PRKG1: variants seen among roughly 807,000 people sequenced by gnomAD.
PRKG1 encodes cGMP-dependent protein kinase 1.
A neutral mutation model predicts 88.1 loss-of-function variants in PRKG1; 35 were observed. The observed-to-expected ratio is 0.40, with a 90% CI of 0.30 to 0.53. The LOEUF is 0.53. Ranked by LOEUF, PRKG1 falls within the 20% of genes least tolerant of loss-of-function variation. The pLI is 0.59. For synonymous variants in PRKG1, 303 were observed against 292.5 expected (o/e 1.04, Z -0.37); for missense variants, 540 against 839.8 (o/e 0.64, Z 4.41).
intron 3 of PRKG1, among the ~76,000 whole-genome samples, chr10:51,489,141 T>C (rs1407571387): frequency 6.6e-6 from 1 of 152,100 alleles, no homozygotes; most frequent in African/African-American, 2.4e-5. Context: ...AAGAAACAGC[T>C]AGCCTTCAAA....
At chr10:51,643,841 G>A (rs977879787) in intron 3 of PRKG1, among the ~76,000 whole-genome samples, 17 of 152,006 alleles carry the variant, frequency 1.1e-4, no homozygotes, top group African/African-American at 2.9e-4. Context: ...TCAAATGTAC[G>A]CAAAAATAAG....
chr10:51,348,700 C>T (rs566054307), intron 2 of PRKG1, among the ~76,000 whole-genome samples: 5 of 152,168 alleles, frequency 3.3e-5, no homozygotes, highest in Non-Finnish European at 7.4e-5. Context: ...CGACCTTGGT[C>T]TCATTTCTTG....
intron 1 of PRKG1, among the ~76,000 whole-genome samples, chr10:51,109,682 C>T (rs1325882828): frequency 6.6e-6 from 1 of 152,024 alleles, no homozygotes; most frequent in South Asian, 2.1e-4. Context: ...AAACTTAGCG[C>T]ACTTGGGTTT....
chr10:51,483,347 C>T (rs293319), intron 3 of PRKG1, among the ~76,000 whole-genome samples: 119,334 of 152,084 alleles, frequency 0.78, 47,023 homozygotes, highest in East Asian at 0.89. Context: ...TTTTGGTGCC[C>T]TTATGCAGGG....
At chr10:51,318,674 A>T (rs1564444474) in intron 2 of PRKG1, among the ~76,000 whole-genome samples, 1 of 152,198 alleles carries the variant, frequency 6.6e-6, no homozygotes, top group Non-Finnish European at 1.5e-5. Flanking sequence ...AGGGGGATTT[A>T]AAGATTACTT....
intron 1 of PRKG1, among the ~76,000 whole-genome samples, chr10:51,028,739 AGAG>A (rs1843241795): frequency 6.6e-6 from 1 of 152,308 alleles, no homozygotes; most frequent in East Asian, 1.9e-4. Flanking sequence ...TTCCTACTCT[AGAG>A]GAGTGGCAAA....
At chr10:51,969,150 G>C (rs1350013958) in intron 5 of PRKG1, among the ~76,000 whole-genome samples, 1 of 152,172 alleles carries the variant, frequency 6.6e-6, no homozygotes, top group Non-Finnish European at 1.5e-5. Context: ...ATGATATAAA[G>C]TAAATTTCTT....
chr10:51,829,607 A>G (rs1839955997), intron 4 of PRKG1, among the ~76,000 whole-genome samples: 1 of 152,198 alleles, frequency 6.6e-6, no homozygotes, highest in African/African-American at 2.4e-5. Context: ...CTTATTCATA[A>G]AAGATACAGG....
At chr10:52,292,322 C>T (rs1160314802) in intron 17 of PRKG1, among the ~76,000 whole-genome samples, 7 of 151,922 alleles carry the variant, frequency 4.6e-5, no homozygotes, top group African/African-American at 1.5e-4. Context: ...GTGTTTTAGA[C>T]ATGAAGTCCT....
intron 10 of PRKG1, among the ~76,000 whole-genome samples, chr10:52,265,623 T>C (rs939989248): frequency 6.6e-6 from 1 of 152,042 alleles, no homozygotes; most frequent in Non-Finnish European, 1.5e-5. Flanking sequence ...ACAAGCCTTT[T>C]TAAGGCAACC....
At chr10:51,517,844 A>G (rs1841629568) in intron 3 of PRKG1, among the ~76,000 whole-genome samples, 1 of 152,132 alleles carries the variant, frequency 6.6e-6, no homozygotes, top group Non-Finnish European at 1.5e-5. Context: ...GGTCAGTCTA[A>G]CCCAGCTAGG....
chr10:51,724,531 C>T (rs57638272), intron 3 of PRKG1, among the ~76,000 whole-genome samples: 13,559 of 152,154 alleles, frequency 0.089, 717 homozygotes, highest in African/African-American at 0.14. Context: ...TTATTTACTT[C>T]TTTTAAATTT....
At chr10:51,640,387 T>A (rs7921284) in intron 3 of PRKG1, among the ~76,000 whole-genome samples, 31 of 152,184 alleles carry the variant, frequency 2.0e-4, no homozygotes, top group East Asian at 3.9e-4. Context: ...CTGATTTTTT[T>A]AAAAAAAATT....
chr10:52,169,215 A>G (rs767959343), intron 9 of PRKG1, among the ~76,000 whole-genome samples: 1 of 152,174 alleles, frequency 6.6e-6, no homozygotes, highest in Non-Finnish European at 1.5e-5. Flanking sequence ...AGAATAGACT[A>G]TGTGTTTTAG....
At position 51,160,008 on chromosome 10, in the gene PRKG1, C is replaced by T. The variant is rs150480989; in HGVS notation, c.478+6678C>T. Among the ~76,000 whole-genome samples, 135 of 152,248 alleles carry T rather than the reference C, an allele frequency of 8.9e-4. 1 individual carries two copies. The highest frequency in any genetic ancestry group is 3.4e-3 in the Middle Eastern group (1 of 294). On this transcript the variant is annotated intron_variant, in intron 2 of 17. Coordinates refer to ENST00000373980, the MANE Select transcript of PRKG1 (RefSeq NM_006258.4). ...TGAGGCATTCTAGCAGTGACTACAT[C>T]GCATCTGCTTAGAGAAAGTTTGTGT...
At chr10:52,270,034 A>G (rs1031817970) in intron 10 of PRKG1, among the ~76,000 whole-genome samples, 4 of 152,070 alleles carry the variant, frequency 2.6e-5, no homozygotes, top group African/African-American at 9.7e-5. Context: ...GAAGAAAAAC[A>G]AACGGTTTTC....
At chr10:52,161,367 C>T (rs561062004) in intron 8 of PRKG1, among the ~76,000 whole-genome samples, 2 of 151,970 alleles carry the variant, frequency 1.3e-5, no homozygotes, top group South Asian at 4.1e-4. Flanking sequence ...TTCCTGTATT[C>T]TTCATATTTA....
At chr10:52,237,155 G>A (rs1482333781) in intron 9 of PRKG1, among the ~76,000 whole-genome samples, 1 of 100,544 alleles carries the variant, frequency 9.9e-6, no homozygotes, top group East Asian at 4.5e-4. Flanking sequence ...ATTAGGTATT[G>A]ATGGGACGTA....
intron 7 of PRKG1, among the ~76,000 whole-genome samples, chr10:52,079,806 T>C (rs1846723584): frequency 6.6e-6 from 1 of 152,188 alleles, no homozygotes; most frequent in Non-Finnish European, 1.5e-5. Context: ...GAATTTAGTC[T>C]TCCAGATTAT....
Sources: gnomAD v4.1 joint callset for allele counts (sites outside exome capture counted in the v4.1 genomes callset) on GRCh38, gnomAD v4.1.1 for gene constraint, MANE v1.5 for transcripts, NCBI Gene and HGNC (gene_info 2026-07-23, HGNC 2026-07-21) for gene names.